Variants in WDFY4 observed in about 807,000 individuals in gnomAD.
WDFY4 encodes the protein WDFY family member 4.
A neutral mutation model predicts 351.9 loss-of-function variants in WDFY4; 169 were observed. That is an observed-to-expected ratio of 0.48 (90% CI 0.42 to 0.55). The LOEUF (loss-of-function observed/expected upper bound fraction) is 0.55, where lower values mean the gene tolerates loss of function less well. Among genes scored for constraint, WDFY4 ranks in the 20% least tolerant of loss-of-function variants. WDFY4 has a pLI of 0.00. For missense variants in WDFY4, 3,803 were observed against 3,935.6 expected (o/e 0.97, Z 0.90); for synonymous variants, 1,622 against 1,574.6 (o/e 1.03, Z -0.71).
intron 10 of WDFY4, 29 bp from the exon 11 acceptor site, chr10:48,735,851 T>C: frequency 6.5e-7 from 1 of 1,542,130 alleles, no homozygotes; most frequent in Non-Finnish European, 8.8e-7. Context: ...CCCCTTGCCC[T>C]AGCCCCATTC....
At position 48,970,240 on chromosome 10, in the gene WDFY4, G is replaced by T. The variant is rs1356441615; in HGVS notation, c.8879G>T (p.Trp2960Leu). ...GGGACCAGCACTGTGGTGTGTGTGT[G>T]GGAGCTCAGCATGACCAAAGGCCGC... ...TSGTSTVVCV[W>L]ELSMTKGRPR... The change falls in exon 57 of 62, where the codon TGG becomes TTG. Residue 2960 changes from tryptophan (W) to leucine (L), a missense_variant. By Grantham distance (61) the Trp-to-Leu change is moderately conservative. This residue lies in a region of WDFY4 where 3,054 missense variants were observed against 3,148.6 expected (regional missense o/e 0.97). Coordinates refer to ENST00000325239, the MANE Select transcript of WDFY4 (RefSeq NM_001394531.1). 22 of 1,551,548 alleles carry T rather than the reference G, an allele frequency of 1.4e-5. No homozygotes were observed. The highest frequency in any genetic ancestry group is 1.9e-5 in the Non-Finnish European group (22 of 1,147,018).
chr10:48,934,140 T>C (rs1445712569), intron 47 of WDFY4, among the ~76,000 whole-genome samples: 1 of 152,238 alleles, frequency 6.6e-6, no homozygotes, highest in Admixed American at 6.5e-5. Context: ...CATAAGTTTC[T>C]TAACCTTTCT....
intron 43 of WDFY4, among the ~76,000 whole-genome samples, chr10:48,885,624 A>G (rs982585862): frequency 2.0e-5 from 3 of 152,194 alleles, no homozygotes; most frequent in Non-Finnish European, 4.4e-5. Context: ...TACTTACGTG[A>G]AAAGATCGAT....
intron 39 of WDFY4, among the ~76,000 whole-genome samples, chr10:48,834,905 C>T (rs1186868660): frequency 6.6e-6 from 1 of 152,182 alleles, no homozygotes; most frequent in African/African-American, 2.4e-5. Flanking sequence ...CTGAGTAGAC[C>T]ACCATGTTTA....
intron 1 of WDFY4, among the ~76,000 whole-genome samples, chr10:48,692,508 C>T (rs2063222222): frequency 6.6e-6 from 1 of 152,188 alleles, no homozygotes; most frequent in Non-Finnish European, 1.5e-5. Context: ...GATTTTCCCT[C>T]CCAAAGTGCT....
chr10:48,735,937 G>C lies in WDFY4; in HGVS notation c.1745G>C (p.Cys582Ser). Residue 582 changes from cysteine to serine, a missense_variant, in exon 11 of 62, where the codon TGC becomes TCC. Cys to Ser is a moderately radical substitution (Grantham distance 112). Transcript: ENST00000325239. Reference sequence around the variant, plus strand: ...ATCAAGATCTTCCTGGATGACGAGTGCTACCGGGAGGCCTCGCTCAGCATC... The same window carrying C: ...ATCAAGATCTTCCTGGATGACGAGTCCTACCGGGAGGCCTCGCTCAGCATC... ...PFIKIFLDDE[C>S]YREASLSILE... 6.4e-7 allele frequency: 1 copy of C among 1,551,758 alleles called. No individual in the cohort carries two copies. The highest frequency in any genetic ancestry group is 2.4e-5 in the East Asian group (1 of 40,928).
chr10:48,858,485 G>A (rs1048356989), intron 39 of WDFY4, among the ~76,000 whole-genome samples: 3 of 152,172 alleles, frequency 2.0e-5, no homozygotes, highest in Admixed American at 2.0e-4. Context: ...AATAGCTTTT[G>A]CAACTTTGTC....
chr10:48,950,859 A>G (rs2663026), intron 51 of WDFY4, among the ~76,000 whole-genome samples: 147,380 of 152,354 alleles, frequency 0.97, 71,483 homozygotes, highest in East Asian at 1. Flanking sequence ...TGTGTGCAGC[A>G]TGGCCCCTGG....
At chr10:48,807,514 C>A (rs2067299500) in intron 27 of WDFY4, among the ~76,000 whole-genome samples, 1 of 152,216 alleles carries the variant, frequency 6.6e-6, no homozygotes, top group South Asian at 2.1e-4. Context: ...TGATTACTTG[C>A]ATAATATCAG....
intron 27 of WDFY4, 63 bp from the exon 28 acceptor site, chr10:48,807,796 A>G: frequency 6.7e-7 from 1 of 1,498,688 alleles, no homozygotes; most frequent in Non-Finnish European, 9.1e-7. Context: ...ATGATTGCTT[A>G]CTGCAGCAAA....
At chr10:48,877,833 G>T (rs1375872726) in intron 43 of WDFY4, among the ~76,000 whole-genome samples, 9 of 152,242 alleles carry the variant, frequency 5.9e-5, no homozygotes, top group Non-Finnish European at 1.2e-4. Context: ...CACTCTTCGT[G>T]TGTGTGTCCT....
chr10:48,873,444 G>A, intron 40 of WDFY4, 47 bp from the exon 41 acceptor site: 1 of 1,490,808 alleles, frequency 6.7e-7, no homozygotes, highest in Non-Finnish European at 8.9e-7. Context: ...GGCCCATAAG[G>A]CCCATAAGGC....
At chr10:48,949,430 TG>T (rs942034210) in intron 51 of WDFY4, among the ~76,000 whole-genome samples, 37 of 152,336 alleles carry the variant, frequency 2.4e-4, no homozygotes, top group African/African-American at 8.9e-4. Flanking sequence ...TTGAGAGTGC[TG>T]GGGCCTTGGC....
At chr10:48,905,456 G>A (rs187462730) in intron 47 of WDFY4, among the ~76,000 whole-genome samples, 4 of 152,266 alleles carry the variant, frequency 2.6e-5, no homozygotes, top group South Asian at 4.2e-4. Flanking sequence ...TTGCTTCTGT[G>A]GTACAGTTGA....
At chr10:48,818,136 T>C (rs934641639) in intron 32 of WDFY4, among the ~76,000 whole-genome samples, 8 of 152,154 alleles carry the variant, frequency 5.3e-5, no homozygotes, top group African/African-American at 1.9e-4. Context: ...GGGCAGAAAT[T>C]CACACAACCA....
In WDFY4 at chr10:48,778,777, C is replaced by G. The variant is rs1331731216; in HGVS notation, c.3342C>G (p.Cys1114Trp). The G allele has an allele frequency of 5.2e-5, 80 of 1,551,478 alleles. No homozygotes were observed. Among genetic ancestry groups the G allele is most frequent in the Non-Finnish European group, 6.5e-5 (75 of 1,147,036 alleles). The change falls in exon 18 of 62, where the codon TGC (cysteine) becomes TGG (tryptophan). Residue 1114 changes from cysteine to tryptophan, a missense_variant. This residue lies in a region of WDFY4 where 3,054 missense variants were observed against 3,148.6 expected (regional missense o/e 0.97). Transcript: ENST00000325239. ...TTGTTTGCTTCTCCGTCAGCCTCTG[C>G]CCAGACGACCTCTCCTTGGTTGTTT... ...QPFVCFSVSL[C>W]PDDLSLVVST... is the part of the protein sequence containing the mutation.
chr10:48,820,306 G>C lies in WDFY4; in HGVS notation c.5578G>C (p.Gly1860Arg). ...AGCTGAAGGCGACAGCACAGTGGAG[G>C]GTCTCCAGGCTCCCACCAAGGCACA... ...AAAEGDSTVE[G>R]LQAPTKAHPA... The change falls in exon 33 of 62, where the codon GGT becomes CGT. Residue 1860 changes from glycine (G) to arginine (R), a missense_variant. By Grantham distance (125) the Gly-to-Arg change is moderately radical. Around this residue, in one of 3 missense-constraint regions of WDFY4, gnomAD observed 3,054 missense variants for 3,148.6 expected, o/e 0.97. Transcript: ENST00000325239. 5 of 1,551,544 alleles carry C rather than the reference G, an allele frequency of 3.2e-6. No homozygotes were observed. The highest frequency in any genetic ancestry group is 2.6e-6 in the Non-Finnish European group (3 of 1,146,968).
At chr10:48,923,496 G>GTA (rs374289050) in intron 47 of WDFY4, among the ~76,000 whole-genome samples, 1,654 of 63,180 alleles carry the variant, frequency 0.026, 185 homozygotes, top group African/African-American at 0.041. Flanking sequence ...ATAGTTTTTA[G>GTA]TATATATATA....
intron 2 of WDFY4, among the ~76,000 whole-genome samples, chr10:48,710,431 G>T (rs1251068028): frequency 1.3e-5 from 2 of 152,224 alleles, no homozygotes; most frequent in Non-Finnish European, 2.9e-5. Context: ...ACCCTAGCGA[G>T]AGTGTCATGC....
Sources: allele counts gnomAD v4.1 joint callset (sites outside exome capture counted in the v4.1 genomes callset), GRCh38; gene constraint gnomAD v4.1.1; regional missense constraint gnomAD v4.1.1; transcripts MANE v1.5; gene names NCBI Gene and HGNC (gene_info 2026-07-23, HGNC 2026-07-21).